CAST: variants seen among roughly 807,000 people sequenced by gnomAD.
CAST encodes MIR583 host.
In CAST, 76 loss-of-function variants were observed where a neutral mutation model predicts 119.6. The observed-to-expected ratio is 0.64, with a 90% confidence interval of 0.53 to 0.77. The LOEUF (loss-of-function observed/expected upper bound fraction) is 0.77. Ranked by LOEUF, CAST falls within the 30% of genes least tolerant of loss-of-function variation. The pLI is 0.00. For synonymous variants in CAST, 319 were observed against 331.6 expected (o/e 0.96, Z 0.41); for missense variants, 953 against 946.5 (o/e 1.01, Z -0.09).
At chr5:96,432,034 C>G in the CAST span, 1 of 1,366,738 alleles carries the variant, frequency 7.3e-7, no homozygotes, top group Non-Finnish European at 1.0e-6. Flanking sequence ...CAAGCCTTCA[C>G]TTGGACAGGC....
At chr5:96,031,820 T>C in the CAST span, among the ~76,000 whole-genome samples, 1 of 152,098 alleles carries the variant, frequency 6.6e-6, no homozygotes, top group Non-Finnish European at 1.5e-5. Context: ...AAAACCAACA[T>C]GCATTATTTC....
the CAST span, among the ~76,000 whole-genome samples, chr5:96,506,709 G>C: frequency 6.6e-5 from 10 of 152,144 alleles, no homozygotes; most frequent in African/African-American, 2.2e-4. Flanking sequence ...AGTGGCACCC[G>C]AGAAAGTCTC....
At chr5:96,657,224 G>T (rs1207188325), upstream of CAST, among the ~76,000 whole-genome samples, 2 of 152,218 alleles carry the variant, frequency 1.3e-5, no homozygotes, top group African/African-American at 4.8e-5. Flanking sequence ...TAACCAAAGA[G>T]TTTGCAGTAT....
intron 1 of CAST, among the ~76,000 whole-genome samples, chr5:96,558,468 A>G (rs1454058369): frequency 6.6e-6 from 1 of 152,238 alleles, no homozygotes; most frequent in Non-Finnish European, 1.5e-5. Context: ...TAGCAAGACT[A>G]ATAAAGAAGA....
At chr5:96,714,817 A>G (rs1278561947) in intron 3 of CAST, 1 of 152,226 alleles carries the variant, frequency 6.6e-6, no homozygotes, top group Non-Finnish European at 1.5e-5. Flanking sequence ...CCCATAAAAA[A>G]GCACTGGAAA....
chr5:96,526,001 C>G (rs1001103990), upstream of CAST, among the ~76,000 whole-genome samples: 2 of 152,078 alleles, frequency 1.3e-5, no homozygotes, highest in Non-Finnish European at 2.9e-5. Context: ...GAAAACTGTT[C>G]CGTCTGGTAA....
At chr5:96,375,040 A>G in the CAST span, among the ~76,000 whole-genome samples, 119 of 152,198 alleles carry the variant, frequency 7.8e-4, no homozygotes, top group Non-Finnish European at 1.8e-4. Context: ...CATATATTCA[A>G]TAAGTCTCAT....
At chr5:96,724,095 A>G (rs1391320054) in intron 4 of CAST, among the ~76,000 whole-genome samples, 1 of 152,194 alleles carries the variant, frequency 6.6e-6, no homozygotes, top group African/African-American at 2.4e-5. Flanking sequence ...TGATTTCTAA[A>G]TTGCTTTCAA....
chr5:96,618,687 C>T lies in CAST; in HGVS notation c.61-56852C>T, dbSNP rs545375164. ...GGGTGCGCTGGGTCCCCCAGCAGTG[C>T]CGGCTCACTGACGCCACCCTCAAAT... On this transcript the variant is annotated intron_variant, in intron 1 of 11. Coordinates refer to the CAST transcript ENST00000505143. 1.2e-4 allele frequency among the ~76,000 whole-genome samples: 19 copies of T among 152,340 alleles called. No individual in the cohort carries two copies. In the South Asian group the frequency reaches 3.9e-3, roughly 32 times the overall value.
chr5:96,108,693 C>G, the CAST span, among the ~76,000 whole-genome samples: 1 of 152,232 alleles, frequency 6.6e-6, no homozygotes, highest in Non-Finnish European at 1.5e-5. Context: ...CTGTGCCCTG[C>G]CCCCAGAGGT....
chr5:96,464,396 A>T, the CAST span, among the ~76,000 whole-genome samples: 14 of 152,030 alleles, frequency 9.2e-5, no homozygotes, highest in Non-Finnish European at 1.5e-4. Context: ...TCATTATTTA[A>T]TTGAATTCAA....
rs10529318 is a variant in CAST, at chr5:96,666,257, AAC to A, written c.75+3781_75+3782del. 1.4e-4 allele frequency among the ~76,000 whole-genome samples: 21 copies of A among 150,036 alleles called. No homozygotes were observed. In the South Asian group the frequency reaches 2.3e-3, roughly 17 times the overall value. The stretch of plus-strand genomic sequence containing the variant: ...TCTTCTGAAAAATGTGGTTGTAGTA[AAC>A]ACACACACACACACACACACCACAC... On this transcript the variant is annotated intron_variant, in intron 1 of 31. Transcript: ENST00000675179.
chr5:96,006,902 G>C, the CAST span, among the ~76,000 whole-genome samples: 2 of 152,178 alleles, frequency 1.3e-5, no homozygotes, highest in Admixed American at 6.5e-5. Context: ...TCACTCTGTG[G>C]GTTCAGCAAA....
intron 22 of CAST, among the ~76,000 whole-genome samples, chr5:96,756,647 T>G (rs1192635078): frequency 6.6e-6 from 1 of 152,234 alleles, no homozygotes; most frequent in African/African-American, 2.4e-5. Context: ...ATACTCAACT[T>G]GTACCTCTAA....
chr5:96,425,920 G>A, the CAST span: 15 of 1,603,008 alleles, frequency 9.4e-6, no homozygotes, highest in Non-Finnish European at 1.3e-5. Context: ...CTGTTGTTCA[G>A]CCCATATCAC....
chr5:96,070,582 G>A, the CAST span, among the ~76,000 whole-genome samples: 14 of 152,316 alleles, frequency 9.2e-5, no homozygotes, highest in East Asian at 2.5e-3. Flanking sequence ...GCAGCTGGGT[G>A]ATTGGCGATG....
chr5:96,683,623 T>C (rs1295474093), intron 2 of CAST, among the ~76,000 whole-genome samples: 1 of 152,222 alleles, frequency 6.6e-6, no homozygotes, highest in Admixed American at 6.5e-5. Flanking sequence ...TCACCTCTTT[T>C]GTGGTATTTC....
the CAST span, among the ~76,000 whole-genome samples, chr5:96,213,140 T>C: frequency 5.9e-5 from 9 of 152,034 alleles, no homozygotes; most frequent in African/African-American, 1.9e-4. Flanking sequence ...TAATAATAAA[T>C]TTTAAAAAAT....
At chr5:96,047,187 A>G in the CAST span, among the ~76,000 whole-genome samples, 1 of 152,334 alleles carries the variant, frequency 6.6e-6, no homozygotes, top group Non-Finnish European at 1.5e-5. Context: ...CAAAACAAAT[A>G]TCTTGCAAGC....
Sources: gnomAD v4.1 joint callset for allele counts (sites outside exome capture counted in the v4.1 genomes callset) on GRCh38, gnomAD v4.1.1 for gene constraint, MANE v1.5 for transcripts, NCBI Gene and HGNC (gene_info 2026-07-23, HGNC 2026-07-21) for gene names.